MYO3B: variants seen among roughly 807,000 people sequenced by gnomAD.
The protein encoded by MYO3B is myosin IIIB.
In MYO3B, 156 loss-of-function variants were observed where a neutral mutation model predicts 174.6. That is an observed-to-expected ratio of 0.89 (90% CI 0.78 to 1.02). The LOEUF is 1.02. MYO3B is among the 50% of genes least tolerant of loss of function. MYO3B has a pLI of 0.00. For missense variants in MYO3B, 1,632 were observed against 1,639.4 expected, an observed-to-expected ratio of 1.00 and a Z score of 0.08; for synonymous variants, 563 against 569.1, an observed-to-expected ratio of 0.99 and a Z score of 0.15.
chr2:170,646,193 C>T (rs1197216004), intron 32 of MYO3B, among the ~76,000 whole-genome samples: 1 of 151,644 alleles, frequency 6.6e-6, no homozygotes, highest in African/African-American at 2.4e-5. Flanking sequence ...ATCGCTTGAA[C>T]CTGGGAGGCG....
chr2:170,624,472 C>T (rs567923572), intron 32 of MYO3B, among the ~76,000 whole-genome samples: 50 of 152,266 alleles, frequency 3.3e-4, no homozygotes, highest in Non-Finnish European at 4.3e-4. Context: ...TGGGCTGAGA[C>T]GATGGGACTT....
At chr2:170,567,725 A>G (rs1692158068) in intron 32 of MYO3B, among the ~76,000 whole-genome samples, 2 of 152,192 alleles carry the variant, frequency 1.3e-5, no homozygotes, top group Admixed American at 1.3e-4. Flanking sequence ...TGACAAACTG[A>G]GTATCACTGT....
chr2:170,495,044 T>A (rs958272167), intron 25 of MYO3B, among the ~76,000 whole-genome samples: 1 of 152,178 alleles, frequency 6.6e-6, no homozygotes, highest in African/African-American at 2.4e-5. Flanking sequence ...ATATATAAAA[T>A]CAATTCTACT....
At chr2:170,368,770 G>A (rs2094217139) in intron 8 of MYO3B, among the ~76,000 whole-genome samples, 1 of 152,124 alleles carries the variant, frequency 6.6e-6, no homozygotes, top group Non-Finnish European at 1.5e-5. Flanking sequence ...ACACCTAGAT[G>A]CCTTTTCCCT....
intron 7 of MYO3B, among the ~76,000 whole-genome samples, chr2:170,255,118 A>G (rs1271022537): frequency 2.0e-5 from 3 of 152,176 alleles, no homozygotes; most frequent in Non-Finnish European, 2.9e-5. Flanking sequence ...GAACGCCTGC[A>G]CACATACTCC....
Position 170,653,310 on chromosome 2 carries a change from T to G in MYO3B, c.*189T>G. The G allele has an allele frequency of 1.5e-6, 1 of 653,526 alleles. No individual in the cohort carries two copies. The highest frequency in any genetic ancestry group is 2.6e-6 in the Non-Finnish European group (1 of 389,134). The allele number at this position is 653,526 out of a possible 1,614,324, so 40.5% of individuals were successfully genotyped here. On this transcript the variant is annotated 3_prime_UTR_variant, in exon 35 of 35. Transcript: ENST00000408978. The stretch of plus-strand genomic sequence containing the variant: ...ATCCTCTACCACTCTCCCACATGTG[T>G]TGTGCAGCCTGAGCTGGGCGCTGCC...
At chr2:170,284,102 G>T (rs2093535726) in intron 7 of MYO3B, among the ~76,000 whole-genome samples, 1 of 152,168 alleles carries the variant, frequency 6.6e-6, no homozygotes, top group Admixed American at 6.5e-5. Context: ...TTCTGATCTA[G>T]GCTGGAGAAT....
At chr2:170,634,494 T>C (rs961391094) in intron 32 of MYO3B, among the ~76,000 whole-genome samples, 3 of 148,360 alleles carry the variant, frequency 2.0e-5, no homozygotes, top group Non-Finnish European at 4.5e-5. Flanking sequence ...ACTTACATGT[T>C]AGACCTAAAA....
chr2:170,633,901 A>G (rs773712943), intron 32 of MYO3B, among the ~76,000 whole-genome samples: 9 of 152,196 alleles, frequency 5.9e-5, no homozygotes, highest in South Asian at 2.1e-4. Context: ...TCGGAATGCA[A>G]CTTACAAGGG....
At chr2:170,555,340 C>T (rs970548533) in intron 32 of MYO3B, among the ~76,000 whole-genome samples, 1 of 152,096 alleles carries the variant, frequency 6.6e-6, no homozygotes, top group African/African-American at 2.4e-5. Context: ...TTGACAAATG[C>T]GTAATGACCT....
chr2:170,186,563 G>T (rs1028394520), intron 1 of MYO3B, among the ~76,000 whole-genome samples: 2 of 152,118 alleles, frequency 1.3e-5, no homozygotes, highest in Non-Finnish European at 2.9e-5. Flanking sequence ...CATTCATCAG[G>T]AATATTAGCC....
chr2:170,196,290 G>T (rs4668220), intron 1 of MYO3B, among the ~76,000 whole-genome samples: 67,598 of 151,998 alleles, frequency 0.44, 15,471 homozygotes, highest in African/African-American at 0.58. Flanking sequence ...GAGGATCACT[G>T]TAGCCCAGGA....
At chr2:170,616,132 G>A (rs1439065581) in intron 32 of MYO3B, among the ~76,000 whole-genome samples, 3 of 152,152 alleles carry the variant, frequency 2.0e-5, no homozygotes, top group African/African-American at 7.2e-5. Context: ...AACAATCCAT[G>A]GAAACAGGAC....
chr2:170,507,384 GCTTT>G (rs71957392), intron 28 of MYO3B, among the ~76,000 whole-genome samples: 14,973 of 151,926 alleles, frequency 0.099, 876 homozygotes, highest in Admixed American at 0.19. Flanking sequence ...AGAAAGTGGG[GCTTT>G]CTTTCTTTCT....
At chr2:170,609,762 C>T (rs1296480314) in intron 32 of MYO3B, among the ~76,000 whole-genome samples, 4 of 152,292 alleles carry the variant, frequency 2.6e-5, no homozygotes, top group South Asian at 2.1e-4. Flanking sequence ...CTCAAGATCC[C>T]GAAAGACAAA....
At chr2:170,357,986 C>T (rs542924466) in intron 8 of MYO3B, among the ~76,000 whole-genome samples, 26 of 152,070 alleles carry the variant, frequency 1.7e-4, no homozygotes, top group African/African-American at 6.3e-4. Context: ...AACTCCGTCT[C>T]TACTAAAAAT....
chr2:170,638,566 T>TA (rs1697715596), intron 32 of MYO3B, among the ~76,000 whole-genome samples: 1 of 152,190 alleles, frequency 6.6e-6, no homozygotes, highest in Non-Finnish European at 1.5e-5. Flanking sequence ...ACTCTGGAGT[T>TA]ACAGCATCTT....
At chr2:170,424,425 T>C (rs2094644671) in intron 22 of MYO3B, among the ~76,000 whole-genome samples, 1 of 152,078 alleles carries the variant, frequency 6.6e-6, no homozygotes, top group Non-Finnish European at 1.5e-5. Context: ...GAGACCAGCT[T>C]GGCCAACATG....
chr2:170,551,009 A>T (rs982334161), intron 32 of MYO3B, among the ~76,000 whole-genome samples: 1 of 87,258 alleles, frequency 1.1e-5, no homozygotes, highest in East Asian at 2.3e-4. Context: ...AGCTTTTCTC[A>T]TGCCTCAGCC....
Sources: gnomAD v4.1 joint callset for allele counts (sites outside exome capture counted in the v4.1 genomes callset) on GRCh38, gnomAD v4.1.1 for gene constraint, MANE v1.5 for transcripts, NCBI Gene and HGNC (gene_info 2026-07-23, HGNC 2026-07-21) for gene names.